Variants in RASA3 observed in about 807,000 individuals in gnomAD.
RASA3 encodes the protein RAS p21 protein activator 3.
In RASA3, 73 loss-of-function variants were observed where a neutral mutation model predicts 110.0. The observed-to-expected ratio is 0.66, with a 90% CI of 0.55 to 0.81. The LOEUF (loss-of-function observed/expected upper bound fraction) is 0.81. RASA3 is among the 30% of genes least tolerant of loss of function. The pLI, the probability that RASA3 is intolerant of heterozygous loss-of-function variation, is 0.00. For synonymous variants in RASA3, 500 were observed against 451.4 expected, an observed-to-expected ratio of 1.11 and a Z score of -1.37; for missense variants, 976 against 1,113.2, an observed-to-expected ratio of 0.88 and a Z score of 1.75.
chr13:113,994,143 G>A (rs2053182855), intron 21 of RASA3, among the ~76,000 whole-genome samples: 1 of 152,034 alleles, frequency 6.6e-6, no homozygotes, highest in Non-Finnish European at 1.5e-5. Flanking sequence ...ACTTATTTTT[G>A]TTTGAAGTAT....
In RASA3 at chr13:114,056,338, AG is replaced by A. The variant is rs760637470; in HGVS notation, c.174-4184del. On this transcript the variant is annotated intron_variant, in intron 2 of 23. Transcript: ENST00000334062. The surrounding 1 kb of genome is among the most constrained non-coding windows in gnomAD (Gnocchi z 5.7). ...CGGTGAGATGAGGATGCCAGCGCTA[AG>A]CACACCCCACAAACGGGCGCCGCGC... 5 of 621,736 alleles carry A rather than the reference AG, an allele frequency of 8.0e-6. No individual in the cohort carries two copies. The highest frequency in any genetic ancestry group is 1.0e-5 in the Non-Finnish European group (5 of 497,576). The allele number at this position is 621,736 out of a possible 1,614,324, so 38.5% of individuals were successfully genotyped here.
At chr13:113,982,309 A>G (rs375486107) in intron 22 of RASA3, among the ~76,000 whole-genome samples, 3 of 152,224 alleles carry the variant, frequency 2.0e-5, no homozygotes, top group African/African-American at 7.2e-5. Context: ...GATGGGGTTC[A>G]GCACATTTCA....
At chr13:114,029,078 G>A (rs1449193776) in intron 5 of RASA3, among the ~76,000 whole-genome samples, 2 of 12,750 alleles carry the variant, frequency 1.6e-4, no homozygotes, top group South Asian at 5.7e-3. Context: ...CCTCTAAAAC[G>A]GCATCATCCT....
chr13:114,089,564 A>G (rs925810201), intron 1 of RASA3, among the ~76,000 whole-genome samples: 39 of 152,046 alleles, frequency 2.6e-4, no homozygotes, highest in African/African-American at 9.2e-4. Context: ...TGACCCAGGA[A>G]GCAGGAGGAA....
At chr13:114,043,620 G>A (rs947209853) in intron 3 of RASA3, among the ~76,000 whole-genome samples, 10 of 152,100 alleles carry the variant, frequency 6.6e-5, no homozygotes, top group African/African-American at 2.4e-4. Flanking sequence ...ACGGGACGCT[G>A]AAACCACCAC....
In RASA3 at chr13:113,992,519, G is replaced by A. The variant is rs754912962; in HGVS notation, c.2211C>T (p.Phe737=). The change falls in exon 22 of 24, where the codon TTC becomes TTT. Residue 737 remains phenylalanine (F), a synonymous_variant. Transcript: ENST00000334062. Reference sequence around the variant, plus strand: ...TCTCCAGCTTGCTCATGTACAAGTTGAAGAGGGAGTAGATACGCTCCGTCT... The same window carrying A: ...TCTCCAGCTTGCTCATGTACAAGTTAAAGAGGGAGTAGATACGCTCCGTCT... ...DRETERIYSL[F]NLYMSKLEKM... is the part of the protein sequence containing the mutation. 30 of 1,613,408 alleles carry A rather than the reference G, an allele frequency of 1.9e-5. No homozygotes were observed. Among genetic ancestry groups the A allele is most frequent in the Non-Finnish European group, 2.4e-5 (28 of 1,179,922 alleles).
At chr13:114,064,514 T>G (rs1294456864) in intron 2 of RASA3, among the ~76,000 whole-genome samples, 1 of 152,176 alleles carries the variant, frequency 6.6e-6, no homozygotes, top group Admixed American at 6.5e-5. Flanking sequence ...GGTCTCATGG[T>G]GGGGGCACCC....
intron 10 of RASA3, 92 bp downstream of exon 10, chr13:114,018,671 G>T: frequency 6.8e-7 from 1 of 1,474,176 alleles, no homozygotes; most frequent in Non-Finnish European, 9.2e-7. Flanking sequence ...TCAGGGAGAA[G>T]GTGCCCTCTG....
chr13:113,980,723 G>A (rs1180094209), intron 23 of RASA3, among the ~76,000 whole-genome samples: 1 of 152,234 alleles, frequency 6.6e-6, no homozygotes, highest in African/African-American at 2.4e-5. Flanking sequence ...AGGTGTTGCA[G>A]GCTCAGTCCC....
intron 3 of RASA3, among the ~76,000 whole-genome samples, chr13:114,045,496 C>T (rs1036215285): frequency 7.2e-5 from 11 of 152,164 alleles, no homozygotes; most frequent in African/African-American, 2.4e-4. Context: ...AAGAGCTGCC[C>T]GAGACAGGGA....
chr13:114,012,475 C>G (rs1279373172), intron 15 of RASA3, among the ~76,000 whole-genome samples: 1 of 148,396 alleles, frequency 6.7e-6, no homozygotes, highest in Non-Finnish European at 1.5e-5. Context: ...CACACACTCC[C>G]CATTCCAAAC....
At chr13:114,088,829 C>T (rs2079853774) in intron 1 of RASA3, among the ~76,000 whole-genome samples, 1 of 152,154 alleles carries the variant, frequency 6.6e-6, no homozygotes. Context: ...GGATTACAGG[C>T]GTGAGCCACT....
intron 1 of RASA3, among the ~76,000 whole-genome samples, chr13:114,090,591 A>G (rs1479649374): frequency 6.6e-6 from 1 of 152,172 alleles, no homozygotes; most frequent in Non-Finnish European, 1.5e-5. Context: ...TCACAGCGTG[A>G]GTCTGGGTTC....
rs528428731 is a variant in RASA3, at chr13:114,042,157, C to T, written c.278-1063G>A. Among the ~76,000 whole-genome samples the T allele has an allele frequency of 2.4e-4, 37 of 152,366 alleles. 1 individual carries two copies. The East Asian group carries it at 6.4e-3, about 26-fold the overall frequency. ...GTTCACCTCATTCCAGAAACATTCC[C>T]GAGGCGCGGCAAACGTGTGCCCATC... On this transcript the variant is annotated intron_variant, in intron 3 of 23. Coordinates refer to ENST00000334062, the MANE Select transcript of RASA3 (RefSeq NM_007368.4).
chr13:113,990,010 T>C (rs544912777), intron 22 of RASA3, among the ~76,000 whole-genome samples: 20 of 152,112 alleles, frequency 1.3e-4, no homozygotes, highest in African/African-American at 4.8e-4. Context: ...GACTTCCCCA[T>C]TGCTGTTCTC....
intron 18 of RASA3, among the ~76,000 whole-genome samples, chr13:114,002,814 A>C (rs2053434980): frequency 1.3e-5 from 2 of 152,086 alleles, no homozygotes; most frequent in African/African-American, 4.8e-5. Flanking sequence ...CGCGTGTGGG[A>C]CGGGGAGGCA....
chr13:114,094,877 C>T (rs12428008), intron 1 of RASA3, among the ~76,000 whole-genome samples: 2,130 of 152,272 alleles, frequency 0.014, 136 homozygotes, highest in Admixed American at 0.1. Context: ...CGCGGGCTCC[C>T]CCGCTCCAGA....
Position 114,027,380 on chromosome 13 carries a change from G to T in RASA3, c.603+9C>A. The T allele has an allele frequency of 6.2e-7, 1 of 1,601,602 alleles. No homozygotes were observed. Among genetic ancestry groups the T allele is most frequent in the Non-Finnish European group, 8.6e-7 (1 of 1,168,834 alleles). On this transcript the variant is annotated intron_variant, in intron 7 of 23. Transcript: ENST00000334062. ...TTTCCACTTAACGTTGACCCATGAAGATACCAACCTCAAAATAAAACACTT... is the reference window on the plus strand; with the variant it reads ...TTTCCACTTAACGTTGACCCATGAATATACCAACCTCAAAATAAAACACTT...
At chr13:114,093,838 GCT>G (rs1011249477) in intron 1 of RASA3, among the ~76,000 whole-genome samples, 5 of 151,340 alleles carry the variant, frequency 3.3e-5, no homozygotes, top group East Asian at 1.9e-4. Flanking sequence ...TGCTACTAAT[GCT>G]CTCTCTTTCA....
Sources: allele counts gnomAD v4.1 joint callset (sites outside exome capture counted in the v4.1 genomes callset), GRCh38; gene constraint gnomAD v4.1.1; non-coding constraint Gnocchi (gnomAD v3.1); transcripts MANE v1.5; gene names NCBI Gene and HGNC (gene_info 2026-07-23, HGNC 2026-07-21).